Variants in HDAC7 observed in about 807,000 individuals in gnomAD.
HDAC7 encodes histone deacetylase 7, also known as histone deacetylase 7A.
A neutral mutation model predicts 115.5 loss-of-function variants in HDAC7; 26 were observed. The observed-to-expected ratio is 0.23, with a 90% CI of 0.16 to 0.31. HDAC7 has a LOEUF of 0.31. HDAC7 is among the 10% of genes least tolerant of loss of function. The pLI is 1.00. For synonymous variants in HDAC7, 564 were observed against 550.9 expected, an observed-to-expected ratio of 1.02 and a Z score of -0.33; for missense variants, 1,068 against 1,329.0, an observed-to-expected ratio of 0.80 and a Z score of 3.05.
At chr12:47,786,287 C>T (rs1241641604) in intron 22 of HDAC7, among the ~76,000 whole-genome samples, 1 of 152,210 alleles carries the variant, frequency 6.6e-6, no homozygotes, top group Non-Finnish European at 1.5e-5. Flanking sequence ...TGGAATCAAC[C>T]CAGCTGTGGT....
At chr12:47,807,707 A>G (rs1444314165) in intron 1 of HDAC7, among the ~76,000 whole-genome samples, 3 of 152,054 alleles carry the variant, frequency 2.0e-5, no homozygotes, top group Non-Finnish European at 4.4e-5. Flanking sequence ...CGCAGGTGAG[A>G]GGGCAGAAGC....
At position 47,791,855 on chromosome 12, in the gene HDAC7, A is replaced by C. The variant is rs1448100140; in HGVS notation, c.1812+16T>G. On this transcript the variant is annotated intron_variant, in intron 14 of 25. Transcript: ENST00000080059. ...TCCCTCCACCCATTCCTCGGGCCCC[A>C]CCCGCGCCTCCTCACCTCACACTGG... 1.8e-6 allele frequency: 2 copies of C among 1,102,650 alleles called. No homozygotes were observed. The highest frequency in any genetic ancestry group is 1.7e-5 in the South Asian group (1 of 59,650). 68.3% of individuals were successfully genotyped at this position (1,102,650 alleles called of 1,614,324 possible).
chr12:47,808,536 G>A (rs912399404), intron 1 of HDAC7, among the ~76,000 whole-genome samples: 3 of 152,146 alleles, frequency 2.0e-5, no homozygotes, highest in Non-Finnish European at 2.9e-5. Context: ...TCTGAGTTGC[G>A]TATGGCTGTC....
rs1476810060 is a variant in HDAC7 at position 47,797,135 on chromosome 12, C to T, written c.585G>A (p.Glu195=). 1.3e-6 allele frequency: 2 copies of T among 1,595,616 alleles called. No individual in the cohort carries two copies. The highest frequency in any genetic ancestry group is 1.7e-6 in the Non-Finnish European group (2 of 1,171,680). The change falls in exon 7 of 26, where the codon GAG becomes GAA. Residue 195 remains glutamate (E), a synonymous_variant. Coordinates refer to ENST00000080059, the MANE Select transcript of HDAC7 (RefSeq NM_015401.5). This position sits in a 1 kb window ranked among gnomAD's most constrained non-coding sequence, Gnocchi z 5.5. ...EHFPLRKTVS[E]PNLKLRYKPK... ...GCTTATAGCGCAGCTTCAGGTTGGG[C>T]TCAGAGACTGCAGGGAGCACCAGCG...
At chr12:47,786,779 G>A in intron 21 of HDAC7, 76 bp from the exon 22 acceptor site, 1 of 1,138,228 alleles carries the variant, frequency 8.8e-7, no homozygotes, top group African/African-American at 1.5e-5. Flanking sequence ...TTTGCGGTGG[G>A]GCACCCTGTT....
Position 47,783,810 on chromosome 12 carries a change from G to T in HDAC7, c.*31C>A. ...GTTAGAAGAGAACCAGGTCCCAAGGGCATGGTGGGCGGGCAGATGGTTCCA... is the reference window on the plus strand; with the variant it reads ...GTTAGAAGAGAACCAGGTCCCAAGGTCATGGTGGGCGGGCAGATGGTTCCA... On this transcript the variant is annotated 3_prime_UTR_variant, in exon 26 of 26. Coordinates refer to ENST00000080059, the MANE Select transcript of HDAC7 (RefSeq NM_015401.5). 6.2e-7 allele frequency: 1 copy of T among 1,604,602 alleles called. No individual in the cohort carries two copies. The highest frequency in any genetic ancestry group is 8.5e-7 in the Non-Finnish European group (1 of 1,175,282).
chr12:47,787,668 C>CA, intron 21 of HDAC7, 44 bp downstream of exon 21: 1 of 1,398,686 alleles, frequency 7.1e-7, no homozygotes, highest in Non-Finnish European at 9.9e-7. Context: ...GGAGAAGGGA[C>CA]AGGAGAGGGT....
Position 47,793,771 on chromosome 12 carries a change from CCT to C in HDAC7, c.1459-185_1459-184del, listed in dbSNP as rs1323624806. Among the ~76,000 whole-genome samples, 9 of 152,156 alleles carry C rather than the reference CCT, an allele frequency of 5.9e-5. No homozygotes were observed. Among genetic ancestry groups the C allele is most frequent in the Non-Finnish European group, 1.2e-4 (8 of 68,028 alleles). On this transcript the variant is annotated intron_variant, in intron 12 of 25. Transcript: ENST00000080059. This position sits in a 1 kb window ranked among gnomAD's most constrained non-coding sequence, Gnocchi z 4.5. ...CTAAGCCCCCTGTCCCCTGCAGCCC[CCT>C]GACAGGTTTGCACCCCAGACTGACC...
intron 1 of HDAC7, among the ~76,000 whole-genome samples, chr12:47,816,543 C>G (rs1029966983): frequency 6.6e-6 from 1 of 152,184 alleles, no homozygotes; most frequent in Non-Finnish European, 1.5e-5. Flanking sequence ...GGTACACACA[C>G]AGATACCCAC....
chr12:47,815,211 CAAG>C (rs1481334112), intron 1 of HDAC7, among the ~76,000 whole-genome samples: 1 of 152,124 alleles, frequency 6.6e-6, no homozygotes, highest in Non-Finnish European at 1.5e-5. Context: ...CAGAATGTAG[CAAG>C]AAGAACAAGG....
At chr12:47,788,017 G>T (rs752755878) in intron 20 of HDAC7, 28 bp downstream of exon 20, 1 of 1,600,782 alleles carries the variant, frequency 6.2e-7, no homozygotes. Context: ...CAATGAGGCT[G>T]GAAGATGTGG....
chr12:47,787,876 A>G (rs1439245373), intron 20 of HDAC7, 67 bp from the exon 21 acceptor site: 4 of 1,535,958 alleles, frequency 2.6e-6, no homozygotes, highest in Non-Finnish European at 3.6e-6. Flanking sequence ...CCAGTTTGTT[A>G]GAGCTGCCAG....
At position 47,795,097 on chromosome 12, in the gene HDAC7, T is replaced by C. The variant is rs1353428898; in HGVS notation, c.1284+87A>G. 30 of 1,354,956 alleles carry C rather than the reference T, an allele frequency of 2.2e-5. No individual in the cohort carries two copies. Among genetic ancestry groups the C allele is most frequent in the Non-Finnish European group, 3.0e-5 (29 of 970,234 alleles). The allele number at this position is 1,354,956 out of a possible 1,614,324, so 83.9% of individuals were successfully genotyped here. On this transcript the variant is annotated intron_variant, in intron 11 of 25. Coordinates refer to ENST00000080059, the MANE Select transcript of HDAC7 (RefSeq NM_015401.5). This position sits in a 1 kb window ranked among gnomAD's most constrained non-coding sequence, Gnocchi z 4.3. ...CCCCCTCTTTTGCCCTCCAGTTCCC[T>C]GCCCTTTCTAAGTACCCCTCTTCTT...
At position 47,790,432 on chromosome 12, in the gene HDAC7, G is replaced by A. The variant is rs192539437; in HGVS notation, c.1984-512C>T. 849 of 161,868 alleles carry A rather than the reference G, an allele frequency of 5.2e-3. 8 individuals carry two copies. The highest frequency in any genetic ancestry group is 0.012 in the Admixed American group (208 of 17,264). The allele number at this position is 161,868 out of a possible 1,614,324, so 10.0% of individuals were successfully genotyped here. On this transcript the variant is annotated intron_variant, in intron 16 of 25. Transcript: ENST00000080059. The stretch of plus-strand genomic sequence containing the variant: ...ATGGGGAGGGCGAGGCAGACCAAGA[G>A]AGGCGAGGAAGGCAGAGAGAGTCGC...
intron 1 of HDAC7, among the ~76,000 whole-genome samples, chr12:47,816,090 CCG>C: frequency 6.6e-6 from 1 of 152,100 alleles, no homozygotes; most frequent in South Asian, 2.1e-4. Context: ...CAGGGTTTCG[CCG>C]CATTGGCCAG....
intron 19 of HDAC7, 41 bp downstream of exon 19, chr12:47,789,220 C>G (rs754768734): frequency 6.8e-7 from 1 of 1,475,998 alleles, no homozygotes; most frequent in Non-Finnish European, 9.5e-7. Flanking sequence ...GCTTTTCCCC[C>G]AGGGCTCTCG....
Position 47,797,060 on chromosome 12 carries a change from A to G in HDAC7, c.660T>C (p.Ser220=). ...GCCGCCGCCGGAGGCTGGGGGGCGCACTCTCCTTTCGGAGCAGTGGATTCT... is the reference window on the plus strand; with the variant it reads ...GCCGCCGCCGGAGGCTGGGGGGCGCGCTCTCCTTTCGGAGCAGTGGATTCT... The part of the protein sequence containing the change: ...RRKNPLLRKE[S]APPSLRRRPA... The change falls in exon 7 of 26, where the codon AGT becomes AGC. Residue 220 remains serine, a synonymous_variant. Transcript: ENST00000080059. The surrounding 1 kb of genome is among the most constrained non-coding windows in gnomAD (Gnocchi z 5.5). The G allele has an allele frequency of 6.2e-7, 1 of 1,602,680 alleles. No individual in the cohort carries two copies. The highest frequency in any genetic ancestry group is 8.5e-7 in the Non-Finnish European group (1 of 1,175,212).
intron 24 of HDAC7, chr12:47,785,059 G>A (rs1407619497): frequency 1.8e-6 from 1 of 559,074 alleles, no homozygotes; most frequent in Admixed American, 3.3e-5. Context: ...GGGGAGGGAT[G>A]GGAACCAGGC....
intron 18 of HDAC7, 56 bp downstream of exon 18, chr12:47,789,467 A>G (rs1943361601): frequency 1.3e-6 from 2 of 1,597,308 alleles, no homozygotes; most frequent in Non-Finnish European, 1.7e-6. Context: ...CCCTGAAGGA[A>G]GTTCCTGGGG....
Sources: gnomAD v4.1 joint callset for allele counts (sites outside exome capture counted in the v4.1 genomes callset) on GRCh38, gnomAD v4.1.1 for gene constraint, Gnocchi (gnomAD v3.1) non-coding constraint, MANE v1.5 for transcripts, NCBI Gene and HGNC (gene_info 2026-07-23, HGNC 2026-07-21) for gene names.